Variants in SCAPER observed in about 807,000 individuals in gnomAD.
SCAPER encodes the protein S-phase cyclin A associated protein in the ER, also known as S phase cyclin A-associated protein in the endoplasmic reticulum.
In SCAPER, 98 loss-of-function variants were observed where a neutral mutation model predicts 182.2. The observed-to-expected ratio is 0.54, with a 90% CI of 0.46 to 0.64. The LOEUF (loss-of-function observed/expected upper bound fraction) is 0.64, where lower values mean the gene tolerates loss of function less well. SCAPER is among the 30% of genes least tolerant of loss of function. The probability of loss-of-function intolerance (pLI) is 0.00; values close to 1 mark genes in which losing one functional copy is unlikely to be tolerated. For synonymous variants in SCAPER, 605 were observed against 564.6 expected (o/e 1.07, Z -1.01); for missense variants, 1,432 against 1,690.0 (o/e 0.85, Z 2.68).
At position 76,593,017 on chromosome 15, in the gene SCAPER, C is replaced by T. The variant is rs113978025; in HGVS notation, c.2712-18733G>A. ...GGGGGCTGAAGCCAGGGAGCGAACTCGTCTTGCTCAGCAGATCCCACCCCC... is the reference window on the plus strand; with the variant it reads ...GGGGGCTGAAGCCAGGGAGCGAACTTGTCTTGCTCAGCAGATCCCACCCCC... On this transcript the variant is annotated intron_variant, in intron 22 of 31. Coordinates refer to ENST00000563290, the MANE Select transcript of SCAPER (RefSeq NM_020843.4). 6.8e-4 allele frequency among the ~76,000 whole-genome samples: 81 copies of T among 119,032 alleles called. 10 individuals are homozygous for T. The highest frequency in any genetic ancestry group is 1.8e-3 in the African/African-American group (72 of 39,256). 78.1% of individuals were successfully genotyped at this position (119,032 alleles called of 152,430 possible).
intron 10 of SCAPER, among the ~76,000 whole-genome samples, chr15:76,769,588 GAGAA>G (rs2063333367): frequency 6.6e-6 from 1 of 152,114 alleles, no homozygotes; most frequent in South Asian, 2.1e-4. Context: ...CTGCTCATCA[GAGAA>G]ATGCAAATCA....
At chr15:76,554,909 T>C (rs544899569) in intron 23 of SCAPER, among the ~76,000 whole-genome samples, 11 of 152,000 alleles carry the variant, frequency 7.2e-5, no homozygotes, top group African/African-American at 2.2e-4. Context: ...AGCCTCCTGA[T>C]AGCTGGGATT....
intron 15 of SCAPER, among the ~76,000 whole-genome samples, chr15:76,733,904 T>TA (rs1221918671): frequency 1.3e-5 from 2 of 152,164 alleles, no homozygotes; most frequent in East Asian, 1.9e-4. Context: ...CCAGTGTGTA[T>TA]AAAAAATCCA....
rs142981759 is a variant in SCAPER at position 76,614,115 on chromosome 15, G to A, written c.2711+7649C>T. Reference sequence around the variant, plus strand: ...TGTGCAGGGACATGAATGGTGCTGCGGGCCATTACCCTTAGCAAACTAACA... The same window carrying A: ...TGTGCAGGGACATGAATGGTGCTGCAGGCCATTACCCTTAGCAAACTAACA... On this transcript the variant is annotated intron_variant, in intron 22 of 31. Transcript: ENST00000563290. 2.0e-4 allele frequency among the ~76,000 whole-genome samples: 30 copies of A among 152,184 alleles called. 1 individual carries two copies. The highest frequency in any genetic ancestry group is 7.0e-4 in the African/African-American group (29 of 41,530).
chr15:76,647,341 T>C (rs568818908), intron 21 of SCAPER, among the ~76,000 whole-genome samples: 1 of 152,246 alleles, frequency 6.6e-6, no homozygotes, highest in Non-Finnish European at 1.5e-5. Context: ...TATCATATTG[T>C]CCTTTCTACT....
intron 17 of SCAPER, among the ~76,000 whole-genome samples, chr15:76,713,774 TATA>T (rs571343795): frequency 5.9e-5 from 9 of 151,890 alleles, no homozygotes; most frequent in African/African-American, 1.5e-4. Context: ...AAACTTAAAG[TATA>T]ATAATAATAA....
intron 24 of SCAPER, among the ~76,000 whole-genome samples, chr15:76,494,126 A>G (rs1268921129): frequency 6.6e-6 from 1 of 152,230 alleles, no homozygotes; most frequent in African/African-American, 2.4e-5. Flanking sequence ...GATGTAGCAG[A>G]CACAGGAGGT....
At chr15:76,620,844 G>A (rs1823942347) in intron 22 of SCAPER, among the ~76,000 whole-genome samples, 1 of 152,038 alleles carries the variant, frequency 6.6e-6, no homozygotes, top group South Asian at 2.1e-4. Context: ...CACATGCTGG[G>A]GCCTGTCGAG....
intron 20 of SCAPER, among the ~76,000 whole-genome samples, chr15:76,679,477 T>C (rs1453506432): frequency 2.6e-5 from 4 of 152,224 alleles, no homozygotes; most frequent in Non-Finnish European, 5.9e-5. Flanking sequence ...TTTAAACATA[T>C]ATGGCAATGA....
chr15:76,604,593 T>C (rs1200713378), intron 22 of SCAPER, among the ~76,000 whole-genome samples: 1 of 63,350 alleles, frequency 1.6e-5, no homozygotes, highest in African/African-American at 3.2e-5. Context: ...GGGGATGGCA[T>C]TGAATCTATA....
chr15:76,638,900 T>C (rs2053868531), intron 21 of SCAPER, among the ~76,000 whole-genome samples: 1 of 152,184 alleles, frequency 6.6e-6, no homozygotes, highest in African/African-American at 2.4e-5. Flanking sequence ...ATAATAAACC[T>C]GCAAGTTAGG....
intron 23 of SCAPER, among the ~76,000 whole-genome samples, chr15:76,519,525 T>C (rs2042684012): frequency 6.6e-6 from 1 of 152,226 alleles, no homozygotes; most frequent in Non-Finnish European, 1.5e-5. Context: ...CTAGCAGCTA[T>C]AGCCCAGAAC....
At chr15:76,403,015 T>C (rs1437962601) in intron 27 of SCAPER, among the ~76,000 whole-genome samples, 3 of 152,320 alleles carry the variant, frequency 2.0e-5, no homozygotes, top group African/African-American at 7.2e-5. Context: ...TTTGTGATAT[T>C]GATCTGGATT....
At chr15:76,592,121 G>GTT (rs1308671039) in intron 22 of SCAPER, among the ~76,000 whole-genome samples, 3 of 147,468 alleles carry the variant, frequency 2.0e-5, no homozygotes, top group Non-Finnish European at 3.0e-5. Flanking sequence ...TAATATCTAT[G>GTT]TTATATATAT....
intron 24 of SCAPER, among the ~76,000 whole-genome samples, chr15:76,500,859 G>C (rs157762): frequency 6.6e-6 from 1 of 151,666 alleles, no homozygotes; most frequent in Non-Finnish European, 1.5e-5. Context: ...GGCTAACATC[G>C]TGAAACCCTG....
intron 21 of SCAPER, among the ~76,000 whole-genome samples, chr15:76,649,319 A>T (rs1238627595): frequency 6.6e-6 from 1 of 151,934 alleles, no homozygotes; most frequent in Non-Finnish European, 1.5e-5. Flanking sequence ...AGTACCAGCC[A>T]CTCAGGAGGC....
intron 23 of SCAPER, among the ~76,000 whole-genome samples, chr15:76,538,524 C>T (rs2044411815): frequency 1.3e-5 from 2 of 151,950 alleles, no homozygotes; most frequent in South Asian, 2.1e-4. Context: ...AATGAGAACA[C>T]ATGGACACAG....
chr15:76,421,020 A>G (rs1319878709), intron 26 of SCAPER, among the ~76,000 whole-genome samples: 3 of 152,186 alleles, frequency 2.0e-5, no homozygotes, highest in South Asian at 4.1e-4. Context: ...CACTCTATCA[A>G]TGATGTACAT....
At chr15:76,868,541 G>A (rs1219380044) in intron 2 of SCAPER, among the ~76,000 whole-genome samples, 1 of 152,008 alleles carries the variant, frequency 6.6e-6, no homozygotes, top group East Asian at 1.9e-4. Context: ...TCCCATTTAC[G>A]ATAGTTACAA....
Sources: allele counts gnomAD v4.1 joint callset (sites outside exome capture counted in the v4.1 genomes callset), GRCh38; gene constraint gnomAD v4.1.1; transcripts MANE v1.5; gene names NCBI Gene and HGNC (gene_info 2026-07-23, HGNC 2026-07-21).